The following KAZN variants were observed in gnomAD, a reference collection of about 807,000 sequenced individuals.
KAZN encodes the protein kazrin, periplakin interacting protein, also known as kazrin.
A neutral mutation model predicts 87.4 loss-of-function variants in KAZN; 40 were observed. The ratio of observed to expected loss-of-function variants is 0.46; its 90% CI spans 0.36 to 0.60. The LOEUF (loss-of-function observed/expected upper bound fraction) is 0.60, where lower values mean the gene tolerates loss of function less well. KAZN is among the 20% of genes least tolerant of loss of function. The pLI, the probability that KAZN is intolerant of heterozygous loss-of-function variation, is 0.00. For synonymous variants in KAZN, 466 were observed against 458.3 expected (o/e 1.02, Z -0.22); for missense variants, 898 against 1,073.9 (o/e 0.84, Z 2.29).
intron 2 of KAZN, among the ~76,000 whole-genome samples, chr1:15,010,028 G>A (rs1217488679): frequency 6.6e-6 from 1 of 152,118 alleles, no homozygotes; most frequent in Non-Finnish European, 1.5e-5. Context: ...CATAAATTCT[G>A]TACCTTGTTG....
chr1:14,080,057 C>A (rs987789197), intron 1 of KAZN, among the ~76,000 whole-genome samples: 1 of 130,824 alleles, frequency 7.6e-6, no homozygotes, highest in South Asian at 2.7e-4. Context: ...TAGGTCTCAA[C>A]AGATGAATTT....
chr1:14,180,696 T>A, intron 2 of KAZN: 1 of 835,452 alleles, frequency 1.2e-6, no homozygotes, highest in Non-Finnish European at 1.8e-6. Context: ...TATTGAAACC[T>A]GTTTTTCTGA....
At chr1:14,878,919 C>T (rs928838639) in intron 1 of KAZN, among the ~76,000 whole-genome samples, 1 of 152,234 alleles carries the variant, frequency 6.6e-6, no homozygotes, top group Non-Finnish European at 1.5e-5. Flanking sequence ...AAGCTGGCCT[C>T]ATCTTCCCCA....
chr1:13,991,679 A>G (rs1440570247), intron 1 of KAZN, among the ~76,000 whole-genome samples: 1 of 152,198 alleles, frequency 6.6e-6, no homozygotes, highest in South Asian at 2.1e-4. Context: ...GGAACAAGTA[A>G]TAATTGTAAG....
At chr1:14,580,223 C>T (rs140727803) in intron 2 of KAZN, among the ~76,000 whole-genome samples, 2 of 152,240 alleles carry the variant, frequency 1.3e-5, no homozygotes, top group Non-Finnish European at 2.9e-5. Context: ...CACCTGTAAT[C>T]GCAGCACTTT....
At chr1:14,420,518 G>A (rs561104932) in intron 2 of KAZN, among the ~76,000 whole-genome samples, 1 of 152,302 alleles carries the variant, frequency 6.6e-6, no homozygotes, top group South Asian at 2.1e-4. Flanking sequence ...CTCAGCCCTT[G>A]GGCAGTCAGT....
intron 2 of KAZN, among the ~76,000 whole-genome samples, chr1:15,024,456 G>A (rs906877239): frequency 6.6e-6 from 1 of 152,200 alleles, no homozygotes; most frequent in Non-Finnish European, 1.5e-5. Flanking sequence ...AGCTGGAGAG[G>A]GACATGGGAT....
intron 2 of KAZN, among the ~76,000 whole-genome samples, chr1:14,505,315 T>A (rs1670514612): frequency 6.6e-6 from 1 of 152,064 alleles, no homozygotes; most frequent in South Asian, 2.1e-4. Context: ...AGCAAGTGGA[T>A]GGAAGGAGGA....
chr1:14,883,125 A>G (rs890741231), intron 1 of KAZN, among the ~76,000 whole-genome samples: 7 of 151,580 alleles, frequency 4.6e-5, no homozygotes, highest in East Asian at 2.0e-4. Flanking sequence ...GAGAAACCCC[A>G]TCTCTACTAA....
chr1:13,917,003 T>C (rs1277185046), intron 1 of KAZN, among the ~76,000 whole-genome samples: 2 of 152,048 alleles, frequency 1.3e-5, no homozygotes, highest in African/African-American at 4.8e-5. Context: ...CTAGTCTTGA[T>C]TTCTATTTGA....
chr1:14,660,541 CTTTTT>C lies in KAZN; in HGVS notation c.226+61338_226+61342del, dbSNP rs1156503750. On this transcript the variant is annotated intron_variant, in intron 1 of 14. Transcript: ENST00000376030. Reference sequence around the variant, plus strand: ...TCTCTCCAAGTTTCTCTCTCTCTCTCTTTTTTTTTTTTTTTTTTTTTTTTGGCTTC... The same window carrying C: ...TCTCTCCAAGTTTCTCTCTCTCTCTCTTTTTTTTTTTTTTTTTTTGGCTTC... Among the ~76,000 whole-genome samples, 21 of 76,034 alleles carry C rather than the reference CTTTTT, an allele frequency of 2.8e-4. No homozygotes were observed. In the East Asian group the frequency reaches 5.5e-3, roughly 20 times the overall value. 49.9% of individuals were successfully genotyped at this position (76,034 alleles called of 152,430 possible). A position where few individuals can be genotyped will look rare whatever the true frequency, so the allele number is the denominator to read the frequency against.
chr1:14,089,612 C>T (rs1643928843), intron 1 of KAZN, among the ~76,000 whole-genome samples: 1 of 152,174 alleles, frequency 6.6e-6, no homozygotes, highest in Non-Finnish European at 1.5e-5. Context: ...TTTTACACTG[C>T]ATGTGGTCTA....
rs1023611078 is a variant in KAZN at position 15,074,200 on chromosome 1, G to A, written c.1222+8447G>A. Among the ~76,000 whole-genome samples, 6 of 152,344 alleles carry A rather than the reference G, an allele frequency of 3.9e-5. No individual in the cohort carries two copies. In the East Asian group the frequency reaches 7.7e-4, roughly 20 times the overall value. On this transcript the variant is annotated intron_variant, in intron 8 of 14. Coordinates refer to ENST00000376030, the MANE Select transcript of KAZN (RefSeq NM_201628.3). ...AGTCCCTGGATGTGCCTCAGAAGGC[G>A]GTCGGCAAGGGAGAGGCTGCAGCCA...
chr1:14,250,554 T>C (rs1042268259), intron 2 of KAZN, among the ~76,000 whole-genome samples: 4 of 151,278 alleles, frequency 2.6e-5, no homozygotes, highest in African/African-American at 9.7e-5. Flanking sequence ...ACAGAAACAA[T>C]ATTATGAGAG....
chr1:14,841,405 C>CAAAAAAAAAA (rs57248871), intron 1 of KAZN, among the ~76,000 whole-genome samples: 13 of 88,870 alleles, frequency 1.5e-4, no homozygotes, highest in Non-Finnish European at 2.0e-4. Context: ...GACTCCGTCT[C>CAAAAAAAAAA]AAAAAAAAAA....
chr1:14,738,164 A>G (rs1643969535), intron 1 of KAZN, among the ~76,000 whole-genome samples: 1 of 152,114 alleles, frequency 6.6e-6, no homozygotes, highest in Admixed American at 6.5e-5. Flanking sequence ...CATGTGATAA[A>G]TGACCATTCT....
intron 1 of KAZN, among the ~76,000 whole-genome samples, chr1:14,814,957 T>C (rs1471411502): frequency 6.6e-6 from 1 of 152,322 alleles, no homozygotes; most frequent in East Asian, 1.9e-4. Flanking sequence ...AGACAGAGGA[T>C]GTAAAGCCTT....
intron 1 of KAZN, among the ~76,000 whole-genome samples, chr1:14,864,112 A>G (rs1057426313): frequency 6.6e-6 from 1 of 152,204 alleles, no homozygotes; most frequent in Admixed American, 6.5e-5. Flanking sequence ...AGCCTAGCAG[A>G]TGGAGGATTC....
chr1:14,567,871 T>C (rs1287653610), intron 2 of KAZN, among the ~76,000 whole-genome samples: 1 of 152,136 alleles, frequency 6.6e-6, no homozygotes, highest in Non-Finnish European at 1.5e-5. Context: ...TTACTTAATA[T>C]CCTGTGGTAG....
Sources: allele counts gnomAD v4.1 joint callset (sites outside exome capture counted in the v4.1 genomes callset), GRCh38; gene constraint gnomAD v4.1.1; transcripts MANE v1.5; gene names NCBI Gene and HGNC (gene_info 2026-07-23, HGNC 2026-07-21).